Variants in LMNTD1 observed in about 807,000 individuals in gnomAD.
LMNTD1 encodes lamin tail domain containing 1, also known as lamin tail domain-containing protein 1.
Under a neutral mutation model 50.9 loss-of-function variants are expected in LMNTD1, and 35 were observed. The ratio of observed to expected loss-of-function variants is 0.69; its 90% confidence interval spans 0.53 to 0.91. The LOEUF is 0.91. Among genes scored for constraint, LMNTD1 ranks in the 40% least tolerant of loss-of-function variants. The pLI is 0.00. For missense variants in LMNTD1, 470 were observed against 475.5 expected, an observed-to-expected ratio of 0.99 and a Z score of 0.11; for synonymous variants, 153 against 161.9, an observed-to-expected ratio of 0.94 and a Z score of 0.42.
At chr12:25,561,303 C>T (rs1471806975) in intron 1 of LMNTD1, among the ~76,000 whole-genome samples, 1 of 152,204 alleles carries the variant, frequency 6.6e-6, no homozygotes, top group East Asian at 1.9e-4. Context: ...TCCCTCTACA[C>T]ACTGCTTTAA....
chr12:25,584,308 G>A (rs1435401351), intron 1 of LMNTD1, among the ~76,000 whole-genome samples: 1 of 152,184 alleles, frequency 6.6e-6, no homozygotes, highest in Admixed American at 6.5e-5. Flanking sequence ...TAGGCTAAGT[G>A]GTTGACCCAA....
chr12:25,591,821 G>GAGAGAGAC (rs930382519), intron 1 of LMNTD1, among the ~76,000 whole-genome samples: 9 of 137,600 alleles, frequency 6.5e-5, no homozygotes, highest in African/African-American at 3.1e-4. Flanking sequence ...CAGAGAGAGA[G>GAGAGAGAC]AGAGAGAGAG....
rs1175448798 is a variant in LMNTD1 at position 25,553,210 on chromosome 12, T to C, written c.-172A>G. On this transcript the variant is annotated 5_prime_UTR_variant, in exon 1 of 10. It removes an upstream start codon present in the reference 5' UTR. Coordinates refer to ENST00000458174, the MANE Select transcript of LMNTD1 (RefSeq NM_001145728.2). ...TTGGCTAAGGATGTCGGACAAACCA[T>C]GGTGCAGGTGTGTAGCATTCACTGG... is the stretch of plus-strand genomic sequence containing the variant. 1 of 1,551,678 alleles carries C rather than the reference T, an allele frequency of 6.4e-7. No homozygotes were observed. Among genetic ancestry groups the C allele is most frequent in the Non-Finnish European group, 8.7e-7 (1 of 1,152,622 alleles).
At chr12:25,534,800 G>C (rs1205365315) in intron 4 of LMNTD1, among the ~76,000 whole-genome samples, 1 of 152,172 alleles carries the variant, frequency 6.6e-6, no homozygotes, top group Non-Finnish European at 1.5e-5. Flanking sequence ...TGCCTCACTA[G>C]TGGAGAATAA....
In LMNTD1 at chr12:25,612,290, TCACA is replaced by T. The variant is rs71705893; in HGVS notation, c.58+36200_58+36203del. On this transcript the variant is annotated intron_variant, in intron 1 of 7. Coordinates refer to the LMNTD1 transcript ENST00000445693. Reference sequence around the variant, plus strand: ...GTTCTATCTGAGTCTCTAAGGTCCCTCACACACACACACACACACACACACACAC... The same window carrying T: ...GTTCTATCTGAGTCTCTAAGGTCCCTCACACACACACACACACACACACAC... 7.8e-3 allele frequency among the ~76,000 whole-genome samples: 831 copies of T among 107,206 alleles called. 7 individuals carry two copies. Among genetic ancestry groups the T allele is most frequent in the East Asian group, 0.071 (199 of 2,802 alleles). 70.3% of individuals were successfully genotyped at this position (107,206 alleles called of 152,430 possible). A position where few individuals can be genotyped will look rare whatever the true frequency, so the allele number is the denominator to read the frequency against.
intron 1 of LMNTD1, among the ~76,000 whole-genome samples, chr12:25,646,394 C>G (rs1172918690): frequency 2.6e-5 from 4 of 152,194 alleles, no homozygotes; most frequent in African/African-American, 9.7e-5. Flanking sequence ...TCTGTCTTCT[C>G]AGATTCATCT....
chr12:25,513,979 C>G (rs951155895), intron 8 of LMNTD1, among the ~76,000 whole-genome samples: 2 of 152,136 alleles, frequency 1.3e-5, no homozygotes, highest in East Asian at 3.9e-4. Context: ...TATCAACTCT[C>G]AACATGACCT....
chr12:25,621,550 G>A (rs758536644), intron 1 of LMNTD1, among the ~76,000 whole-genome samples: 2 of 152,132 alleles, frequency 1.3e-5, no homozygotes, highest in Non-Finnish European at 2.9e-5. Context: ...CTGTGCCTTA[G>A]ATCCCTAAAA....
At chr12:25,573,164 GTT>G in intron 1 of LMNTD1, among the ~76,000 whole-genome samples, 1 of 152,120 alleles carries the variant, frequency 6.6e-6, no homozygotes, top group Non-Finnish European at 1.5e-5. Flanking sequence ...CCTTTTCTCT[GTT>G]TGTTTTCCTT....
chr12:25,515,450 TATATATATGGATCC>T (rs1340249824), intron 8 of LMNTD1, among the ~76,000 whole-genome samples: 3 of 151,968 alleles, frequency 2.0e-5, no homozygotes, highest in East Asian at 3.8e-4. Flanking sequence ...ATTTTAAATA[TATATATATGGATCC>T]ATATGCATGT....
At chr12:25,623,500 G>A (rs1388964034) in intron 1 of LMNTD1, among the ~76,000 whole-genome samples, 6 of 134,096 alleles carry the variant, frequency 4.5e-5, no homozygotes, top group African/African-American at 1.7e-4. Context: ...ATTGCAGTGA[G>A]CCAAGATTGC....
chr12:25,515,535 T>C (rs538905069), intron 8 of LMNTD1, among the ~76,000 whole-genome samples: 1 of 152,062 alleles, frequency 6.6e-6, no homozygotes, highest in East Asian at 1.9e-4. Flanking sequence ...GAACTGCAAA[T>C]ACAATTAAAG....
At chr12:25,497,443 T>C (rs1939125942) in intron 9 of LMNTD1, 1 of 152,278 alleles carries the variant, frequency 6.6e-6, no homozygotes, top group African/African-American at 2.4e-5. Flanking sequence ...TAAATTTTCA[T>C]GGCTGTGGAA....
At chr12:25,616,338 A>G (rs1304000714) in intron 1 of LMNTD1, among the ~76,000 whole-genome samples, 1 of 152,196 alleles carries the variant, frequency 6.6e-6, no homozygotes. Context: ...AACTTATTTT[A>G]CAACAACTCA....
intron 8 of LMNTD1, among the ~76,000 whole-genome samples, chr12:25,507,002 C>G (rs1191797545): frequency 6.6e-6 from 1 of 152,084 alleles, no homozygotes; most frequent in Non-Finnish European, 1.5e-5. Flanking sequence ...GCCTCGGCCT[C>G]CCGAGTAGCT....
In LMNTD1 at chr12:25,526,086, A is replaced by C; in HGVS notation, c.798+13T>G. 6.4e-7 allele frequency: 1 copy of C among 1,556,846 alleles called. No individual in the cohort carries two copies. Among genetic ancestry groups the C allele is most frequent in the South Asian group, 1.2e-5 (1 of 80,370 alleles). ...TAAAAAAAAAAAACGATTGTTAAGA[A>C]CCAGAAACTAACTTGACCGTTCGGT... On this transcript the variant is annotated intron_variant, in intron 6 of 9. Transcript: ENST00000458174.
At chr12:25,504,629 T>C (rs1480806662) in intron 8 of LMNTD1, among the ~76,000 whole-genome samples, 1 of 152,254 alleles carries the variant, frequency 6.6e-6, no homozygotes, top group Non-Finnish European at 1.5e-5. Context: ...CCTTTCTTTT[T>C]CCATGCAAGC....
chr12:25,590,677 T>C (rs1227680287), intron 1 of LMNTD1, among the ~76,000 whole-genome samples: 2 of 152,112 alleles, frequency 1.3e-5, no homozygotes, highest in East Asian at 1.9e-4. Context: ...GGGAAGAGTA[T>C]GGAGGACTTT....
At chr12:25,612,266 TTCTA>T (rs1946261263) in intron 1 of LMNTD1, among the ~76,000 whole-genome samples, 1 of 149,836 alleles carries the variant, frequency 6.7e-6, no homozygotes, top group Non-Finnish European at 1.5e-5. Flanking sequence ...AATTAACCAG[TTCTA>T]TCTGAGTCTC....
Sources: gnomAD v4.1 joint callset for allele counts (sites outside exome capture counted in the v4.1 genomes callset) on GRCh38, gnomAD v4.1.1 for gene constraint, MANE v1.5 for transcripts, NCBI Gene and HGNC (gene_info 2026-07-23, HGNC 2026-07-21) for gene names.